The following HTT variants were observed in gnomAD, a reference collection of about 807,000 sequenced individuals.
The protein encoded by HTT is huntington disease protein.
HTT carries 104 observed loss-of-function variants against 362.3 expected under a neutral mutation model. That is an observed-to-expected ratio of 0.29 (90% CI 0.24 to 0.34). HTT has a LOEUF of 0.34. HTT is among the 10% of genes least tolerant of loss of function. The pLI is 1.00. For synonymous variants in HTT, 1,577 were observed against 1,548.7 expected (o/e 1.02, Z -0.43); for missense variants, 3,301 against 3,928.6 (o/e 0.84, Z 4.27).
intron 26 of HTT, among the ~76,000 whole-genome samples, chr4:3,151,613 G>A (rs1447043559): frequency 1.3e-5 from 2 of 152,164 alleles, no homozygotes; most frequent in Non-Finnish European, 2.9e-5. Flanking sequence ...ATTGTGAACT[G>A]CACATTTGAG....
Position 3,208,764 on chromosome 4 carries a change from G to C in HTT, c.6153-9G>C. The C allele has an allele frequency of 6.4e-7, 1 of 1,562,246 alleles. No homozygotes were observed. The highest frequency in any genetic ancestry group is 8.6e-7 in the Non-Finnish European group (1 of 1,157,970). On this transcript the variant is annotated splice_polypyrimidine_tract_variant and intron_variant, in intron 45 of 66. Coordinates refer to ENST00000355072, the MANE Select transcript of HTT (RefSeq NM_001388492.1). Reference sequence around the variant, plus strand: ...TTATACTGTAATTTCATTTTTATTTGTATTTTAGACACCAAAGGCTCTATT... The same window carrying C: ...TTATACTGTAATTTCATTTTTATTTCTATTTTAGACACCAAAGGCTCTATT...
At chr4:3,188,143 A>G (rs1241975265) in intron 39 of HTT, 4 of 350,890 alleles carry the variant, frequency 1.1e-5, no homozygotes, top group Non-Finnish European at 2.1e-5. Context: ...CAGGCAGGGC[A>G]GGGCAGTGGG....
chr4:3,204,240 C>A lies in HTT; in HGVS notation c.5718+92C>A, dbSNP rs775939956. The stretch of plus-strand genomic sequence containing the variant: ...GACACTTGCATGGACCCTCTGGAAC[C>A]CAGACCGCCCGGTGTCCTGCCAAGC... On this transcript the variant is annotated intron_variant, in intron 42 of 66. Transcript: ENST00000355072. The A allele has an allele frequency of 4.7e-4, 603 of 1,289,194 alleles. 1 individual carries two copies. Among genetic ancestry groups the A allele is most frequent in the Non-Finnish European group, 5.2e-4 (475 of 910,264 alleles). The allele number at this position is 1,289,194 out of a possible 1,614,324, so 79.9% of individuals were successfully genotyped here.
At chr4:3,189,163 A>G (rs1718905600) in intron 40 of HTT, 70 bp downstream of exon 40, 1 of 1,499,632 alleles carries the variant, frequency 6.7e-7, no homozygotes, top group East Asian at 2.3e-5. Context: ...CTCAGAGTGT[A>G]GGAGCTGTGC....
intron 65 of HTT, 66 bp downstream of exon 65, chr4:3,238,675 C>T: frequency 6.6e-7 from 1 of 1,521,946 alleles, no homozygotes; most frequent in Admixed American, 1.9e-5. Flanking sequence ...TCCGACTTCC[C>T]AGCAGATTCG....
intron 4 of HTT, 58 bp downstream of exon 4, chr4:3,103,941 C>T (rs1326935769): frequency 1.7e-5 from 17 of 1,009,930 alleles, no homozygotes; most frequent in Admixed American, 1.5e-4. Context: ...TATAGGTACA[C>T]GTATTTTGTA....
Position 3,111,827 on chromosome 4 carries a change from A to G in HTT, c.748-3477A>G, listed in dbSNP as rs547576631. Among the ~76,000 whole-genome samples, 51 of 152,270 alleles carry G rather than the reference A, an allele frequency of 3.3e-4. No individual in the cohort carries two copies. The South Asian group carries it at 0.011, about 32-fold the overall frequency. ...TGGGTGGGAATTTGCCCAAGGAGCC[A>G]TGAGACCAGCCACTATTTCACCCTC... On this transcript the variant is annotated intron_variant, in intron 6 of 66. Coordinates refer to ENST00000355072, the MANE Select transcript of HTT (RefSeq NM_001388492.1).
chr4:3,229,047 G>GCCACACGCA, intron 59 of HTT, 38 bp downstream of exon 59: 2 of 1,591,762 alleles, frequency 1.3e-6, no homozygotes, highest in Non-Finnish European at 1.7e-6. Context: ...ACCTGCACGT[G>GCCACACGCA]CCACACGCAC....
chr4:3,074,835 C>T lies in HTT; in HGVS notation c.10C>T (p.Leu4=). ...CGGGCGGGAGACCGCCATGGCGACC[C>T]TGGAAAAGCTGATGAAGGCCTTCGA... MAT[L]EKLMKAFESL... The change falls in exon 1 of 67, where the codon CTG becomes TTG. Residue 4 remains leucine (L), a synonymous_variant. Coordinates refer to ENST00000355072, the MANE Select transcript of HTT (RefSeq NM_001388492.1). 1 of 1,512,122 alleles carries T rather than the reference C, an allele frequency of 6.6e-7. No homozygotes were observed. The highest frequency in any genetic ancestry group is 1.4e-5 in the African/African-American group (1 of 70,448). 93.7% of individuals were successfully genotyped at this position (1,512,122 alleles called of 1,614,324 possible).
intron 1 of HTT, among the ~76,000 whole-genome samples, chr4:3,081,340 G>A (rs536847860): frequency 1.3e-5 from 2 of 152,272 alleles, no homozygotes; most frequent in Admixed American, 1.3e-4. Flanking sequence ...ATATGTATGA[G>A]TGTCTGTGTT....
In HTT at chr4:3,111,506, A is replaced by G. The variant is rs544039593; in HGVS notation, c.748-3798A>G. On this transcript the variant is annotated intron_variant, in intron 6 of 66. Transcript: ENST00000355072. ...CATCATTAGATCTTTAAATACCAGT[A>G]TCTATAAGTCTTTTCCTCTTGAGTC... Among the ~76,000 whole-genome samples, 3 of 152,202 alleles carry G rather than the reference A, an allele frequency of 2.0e-5. No homozygotes were observed. The East Asian group carries it at 5.8e-4, about 29-fold the overall frequency.
chr4:3,207,178 A>C, intron 44 of HTT, 103 bp from the exon 45 acceptor site: 1 of 1,136,072 alleles, frequency 8.8e-7, no homozygotes, highest in Non-Finnish European at 1.3e-6. Flanking sequence ...GTCTGCCCTT[A>C]CTAGGATGAA....
chr4:3,115,245 T>C, intron 6 of HTT, 59 bp from the exon 7 acceptor site: 2 of 1,524,286 alleles, frequency 1.3e-6, no homozygotes, highest in Non-Finnish European at 1.8e-6. Context: ...TTTTATGTAA[T>C]ACATGATAAG....
chr4:3,077,488 C>A (rs567308833), intron 1 of HTT, among the ~76,000 whole-genome samples: 1 of 152,114 alleles, frequency 6.6e-6, no homozygotes, highest in African/African-American at 2.4e-5. Context: ...GATACAATCT[C>A]GGCTCACTGC....
intron 21 of HTT, among the ~76,000 whole-genome samples, chr4:3,136,907 C>G (rs1716095272): frequency 6.6e-6 from 1 of 151,380 alleles, no homozygotes; most frequent in Admixed American, 6.6e-5. Context: ...GTTACCAGGC[C>G]CGGCTTTGAA....
At chr4:3,076,208 C>G (rs970812475) in intron 1 of HTT, among the ~76,000 whole-genome samples, 2 of 152,160 alleles carry the variant, frequency 1.3e-5, no homozygotes, top group Non-Finnish European at 2.9e-5. Flanking sequence ...ATTAAAACAT[C>G]TAGCGGAACC....
intron 29 of HTT, among the ~76,000 whole-genome samples, chr4:3,164,610 T>TG (rs567174943): frequency 1.3e-3 from 199 of 152,338 alleles, no homozygotes; most frequent in African/African-American, 4.2e-3. Context: ...GCTCCTGTAT[T>TG]GGGGGCGTGT....
At chr4:3,075,828 G>A (rs1430660890) in intron 1 of HTT, among the ~76,000 whole-genome samples, 2 of 152,136 alleles carry the variant, frequency 1.3e-5, no homozygotes, top group Admixed American at 6.5e-5. Flanking sequence ...CTAAGCCTAA[G>A]TTGGTCTGCA....
intron 29 of HTT, 90 bp downstream of exon 29, chr4:3,160,482 C>T (rs2110218190): frequency 1.1e-6 from 1 of 905,194 alleles, no homozygotes; most frequent in Non-Finnish European, 1.8e-6. Flanking sequence ...GAGCCTGGTT[C>T]TCCAGGGTGC....
Sources: allele counts gnomAD v4.1 joint callset (sites outside exome capture counted in the v4.1 genomes callset), GRCh38; gene constraint gnomAD v4.1.1; transcripts MANE v1.5; gene names NCBI Gene and HGNC (gene_info 2026-07-23, HGNC 2026-07-21).